The following ATP10D variants were observed in gnomAD, a reference collection of about 807,000 sequenced individuals.
The protein encoded by ATP10D is ATPase phospholipid transporting 10D (putative).
ATP10D carries 89 observed loss-of-function variants against 144.8 expected under a neutral mutation model. That is an observed-to-expected ratio of 0.61 (90% CI 0.52 to 0.73). The LOEUF is 0.73. Among genes scored for constraint, ATP10D ranks in the 30% least tolerant of loss-of-function variants. The probability of loss-of-function intolerance (pLI) is 0.00; values close to 1 mark genes in which losing one functional copy is unlikely to be tolerated. For synonymous variants in ATP10D, 571 were observed against 615.1 expected (o/e 0.93, Z 1.06); for missense variants, 1,603 against 1,714.8 (o/e 0.93, Z 1.15).
At chr4:47,573,060 G>T in intron 18 of ATP10D, 63 bp downstream of exon 18, 1 of 1,572,576 alleles carries the variant, frequency 6.4e-7, no homozygotes. Context: ...TTGCATCAGG[G>T]ATGAAGACGA....
intron 19 of ATP10D, among the ~76,000 whole-genome samples, chr4:47,579,168 T>C (rs941788835): frequency 6.6e-6 from 1 of 152,256 alleles, no homozygotes; most frequent in Non-Finnish European, 1.5e-5. Flanking sequence ...AGTTGGCTCT[T>C]GTTTGAAAAG....
intron 18 of ATP10D, among the ~76,000 whole-genome samples, chr4:47,574,940 A>G (rs926859749): frequency 2.6e-5 from 4 of 152,092 alleles, no homozygotes; most frequent in Non-Finnish European, 5.9e-5. Context: ...AGCTGGGCCT[A>G]AAGGCACGCG....
intron 1 of ATP10D, among the ~76,000 whole-genome samples, chr4:47,512,170 C>G (rs1716368496): frequency 6.6e-6 from 1 of 152,168 alleles, no homozygotes; most frequent in African/African-American, 2.4e-5. Context: ...CCTGACATGC[C>G]TGGCATTATG....
chr4:47,532,999 A>T (rs894164394), intron 5 of ATP10D, among the ~76,000 whole-genome samples: 2 of 152,188 alleles, frequency 1.3e-5, no homozygotes, highest in African/African-American at 4.8e-5. Flanking sequence ...TATCAGACAC[A>T]GGTAAAATAC....
intron 21 of ATP10D, among the ~76,000 whole-genome samples, chr4:47,582,417 C>T (rs538886367): frequency 6.6e-6 from 1 of 152,304 alleles, no homozygotes; most frequent in African/African-American, 2.4e-5. Flanking sequence ...GGTACAGTGA[C>T]TTTAGGGATG....
At chr4:47,574,378 G>A (rs1200627542) in intron 18 of ATP10D, among the ~76,000 whole-genome samples, 1 of 152,132 alleles carries the variant, frequency 6.6e-6, no homozygotes, top group Non-Finnish European at 1.5e-5. Context: ...TATTTACCTA[G>A]CTAAACAATG....
At chr4:47,533,309 T>C (rs541637849) in intron 5 of ATP10D, among the ~76,000 whole-genome samples, 214 of 152,242 alleles carry the variant, frequency 1.4e-3, no homozygotes, top group African/African-American at 4.9e-3. Context: ...ACGAAAAAGC[T>C]GAATTAGCTT....
intron 9 of ATP10D, 55 bp from the exon 10 acceptor site, chr4:47,546,569 C>A: frequency 6.7e-7 from 1 of 1,490,848 alleles, no homozygotes; most frequent in Non-Finnish European, 9.3e-7. Context: ...CTGATATATT[C>A]AACTTACAAG....
intron 15 of ATP10D, among the ~76,000 whole-genome samples, chr4:47,566,348 G>A (rs1433032035): frequency 6.6e-6 from 1 of 152,052 alleles, no homozygotes; most frequent in Non-Finnish European, 1.5e-5. Flanking sequence ...ATATACAAAG[G>A]CCTTTCAGGA....
At chr4:47,536,388 G>T in intron 7 of ATP10D, 49 bp from the exon 8 acceptor site, 1 of 1,593,030 alleles carries the variant, frequency 6.3e-7, no homozygotes. Flanking sequence ...TTTTTTGTTT[G>T]CATGCCATAT....
intron 1 of ATP10D, among the ~76,000 whole-genome samples, chr4:47,487,252 A>AAAAG (rs1560401763): frequency 6.7e-6 from 1 of 149,654 alleles, no homozygotes; most frequent in African/African-American, 2.5e-5. Context: ...AAAAAAAAAT[A>AAAAG]GAATCTCATT....
rs761007607 is a variant in ATP10D at position 47,512,588 on chromosome 4, C to G, written c.48C>G (p.Ile16Met). ...CCAGATATCACTGGCGACGGCTGATCAGAGGTGCAACCAGGGATGATGATT... is the reference window on the plus strand; with the variant it reads ...CCAGATATCACTGGCGACGGCTGATGAGAGGTGCAACCAGGGATGATGATT... ...QWARYHWRRL[I>M]RGATRDDDSG... is the part of the protein sequence containing the mutation. The change falls in exon 2 of 23, where the codon ATC (isoleucine) becomes ATG (methionine). Residue 16 changes from isoleucine (I) to methionine (M), a missense_variant. By Grantham distance (10) the Ile-to-Met change is conservative. Transcript: ENST00000273859. 1 of 1,613,980 alleles carries G rather than the reference C, an allele frequency of 6.2e-7. No homozygotes were observed. Among genetic ancestry groups the G allele is most frequent in the African/African-American group, 1.3e-5 (1 of 74,914 alleles).
chr4:47,495,153 C>T (rs893224817), intron 1 of ATP10D, among the ~76,000 whole-genome samples: 3 of 152,144 alleles, frequency 2.0e-5, no homozygotes, highest in Non-Finnish European at 1.5e-5. Context: ...CTATGTTGAA[C>T]TTACATGTCA....
chr4:47,510,880 T>A (rs1469868126), intron 1 of ATP10D, among the ~76,000 whole-genome samples: 1 of 152,216 alleles, frequency 6.6e-6, no homozygotes, highest in Non-Finnish European at 1.5e-5. Flanking sequence ...ATAAATCAAA[T>A]TGTGCTGATT....
At position 47,587,330 on chromosome 4, in the gene ATP10D, G is replaced by T. The variant is rs546535735; in HGVS notation, c.3941+124G>T. 87 of 869,720 alleles carry T rather than the reference G, an allele frequency of 1.0e-4. No homozygotes were observed. In the African/African-American group the frequency reaches 1.3e-3, roughly 13 times the overall value. 53.9% of individuals were successfully genotyped at this position (869,720 alleles called of 1,614,324 possible). A position where few individuals can be genotyped will look rare whatever the true frequency, so the allele number is the denominator to read the frequency against. On this transcript the variant is annotated intron_variant, in intron 22 of 22. Transcript: ENST00000273859. ...TTTAGTAGTGAGAAAGTCAATTTGTGTCCTAGTTAAAATATTGGTTTTTAA... is the reference window on the plus strand; with the variant it reads ...TTTAGTAGTGAGAAAGTCAATTTGTTTCCTAGTTAAAATATTGGTTTTTAA...
At position 47,512,642 on chromosome 4, in the gene ATP10D, C is replaced by T. The variant is rs375943249; in HGVS notation, c.102C>T (p.Leu34=). Reference sequence around the variant, plus strand: ...GGCCATACAACTATTCCTCGTTGCTCGCCTGTGGGCGCAAGTCCTCTCAGA... The same window carrying T: ...GGCCATACAACTATTCCTCGTTGCTTGCCTGTGGGCGCAAGTCCTCTCAGA... ...DSGPYNYSSL[L]ACGRKSSQTP... is the part of the protein sequence containing the mutation. Residue 34 remains leucine (L), a synonymous_variant, in exon 2 of 23, where the codon CTC becomes CTT. Transcript: ENST00000273859. 2.0e-5 allele frequency: 32 copies of T among 1,614,004 alleles called. No individual in the cohort carries two copies. The highest frequency in any genetic ancestry group is 8.3e-5 in the Admixed American group (5 of 59,990).
chr4:47,553,186 T>G (rs942439541), intron 10 of ATP10D, among the ~76,000 whole-genome samples: 3 of 152,220 alleles, frequency 2.0e-5, no homozygotes, highest in African/African-American at 4.8e-5. Flanking sequence ...CTATTGACTT[T>G]GGCAAGGAGG....
rs564255982 is a variant in ATP10D, at chr4:47,530,217, G to A, written c.776+4575G>A. Among the ~76,000 whole-genome samples the A allele has an allele frequency of 2.7e-4, 41 of 152,038 alleles. No individual in the cohort carries two copies. In the South Asian group the frequency reaches 7.7e-3, roughly 29 times the overall value. ...AAGTGGTGAGAGTAGGCCTCTTGTC[G>A]AACCGGAACAACGGTTATTAGGGGG... On this transcript the variant is annotated intron_variant, in intron 5 of 22. Coordinates refer to ENST00000273859, the MANE Select transcript of ATP10D (RefSeq NM_020453.4).
At chr4:47,545,124 G>A (rs1718348941) in intron 9 of ATP10D, among the ~76,000 whole-genome samples, 1 of 152,192 alleles carries the variant, frequency 6.6e-6, no homozygotes, top group Non-Finnish European at 1.5e-5. Context: ...ACATAATCTT[G>A]AAATTCCGTA....
Sources: gnomAD v4.1 joint callset for allele counts (sites outside exome capture counted in the v4.1 genomes callset) on GRCh38, gnomAD v4.1.1 for gene constraint, MANE v1.5 for transcripts, NCBI Gene and HGNC (gene_info 2026-07-23, HGNC 2026-07-21) for gene names.